Variants in ZNF536 observed in about 807,000 individuals in gnomAD.
ZNF536 encodes the protein zinc finger protein 536.
In ZNF536, 13 loss-of-function variants were observed where a neutral mutation model predicts 84.5. That is an observed-to-expected ratio of 0.15 (90% CI 0.10 to 0.24). ZNF536 has a LOEUF of 0.24. ZNF536 is among the 10% of genes least tolerant of loss of function. The pLI is 1.00. For synonymous variants in ZNF536, 811 were observed against 742.5 expected (o/e 1.09, Z -1.50); for missense variants, 1,536 against 1,747.5 (o/e 0.88, Z 2.16).
At chr19:30,531,979 C>G (rs779720137) in intron 2 of ZNF536, among the ~76,000 whole-genome samples, 14 of 152,062 alleles carry the variant, frequency 9.2e-5, no homozygotes, top group Non-Finnish European at 1.9e-4. Flanking sequence ...CTTAGTTCCC[C>G]CTTATAAGAG....
intron 1 of ZNF536, among the ~76,000 whole-genome samples, chr19:30,596,605 A>G (rs1191477363): frequency 1.3e-5 from 2 of 152,174 alleles, no homozygotes; most frequent in Non-Finnish European, 2.9e-5. Flanking sequence ...TTCAGCCCTG[A>G]TGAGTTTGAA....
intron 2 of ZNF536, among the ~76,000 whole-genome samples, chr19:30,475,535 C>T (rs980809411): frequency 1.3e-5 from 2 of 152,202 alleles, no homozygotes; most frequent in South Asian, 2.1e-4. Context: ...CCCCAATTGG[C>T]GGGCATTTAA....
At chr19:30,496,655 CATTCCGGAGGTAAAGCAGT>C (rs1225367199) in intron 2 of ZNF536, among the ~76,000 whole-genome samples, 1 of 152,104 alleles carries the variant, frequency 6.6e-6, no homozygotes, top group African/African-American at 2.4e-5. Context: ...AAGGAAATGA[CATTCCGGAGGTAAAGCAGT>C]AGTAGAGATG....
At chr19:30,588,857 A>G (rs1185889974) in intron 1 of ZNF536, among the ~76,000 whole-genome samples, 1 of 152,238 alleles carries the variant, frequency 6.6e-6, no homozygotes, top group African/African-American at 2.4e-5. Context: ...TAAAAAATAA[A>G]AAAGAATTAG....
In ZNF536 at chr19:30,323,364, C is replaced by T. The variant is rs555873811; in HGVS notation, c.-119-29004C>T. On this transcript the variant is annotated intron_variant, in intron 2 of 5. Coordinates refer to the ZNF536 transcript ENST00000585628. ...GCACTTAACACCAGTCCAGCGACAT[C>T]TCCTACCTCCCGTTTGCTCCTGGGT... Among the ~76,000 whole-genome samples the T allele has an allele frequency of 7.2e-5, 11 of 152,344 alleles. No individual in the cohort carries two copies. In the South Asian group the frequency reaches 1.5e-3, roughly 20 times the overall value.
At chr19:30,360,075 G>T (rs1027031267) in intron 3 of ZNF536, among the ~76,000 whole-genome samples, 29 of 152,188 alleles carry the variant, frequency 1.9e-4, no homozygotes, top group African/African-American at 7.0e-4. Flanking sequence ...GGTCAGAGAG[G>T]CAAGCAGGTG....
intron 1 of ZNF536, among the ~76,000 whole-genome samples, chr19:30,661,330 G>C (rs367783244): frequency 9.9e-5 from 15 of 152,226 alleles, no homozygotes; most frequent in East Asian, 7.7e-4. Context: ...ATTGAATAGT[G>C]GTCATGATAT....
chr19:30,257,897 T>C (rs12973018), intron 1 of ZNF536, among the ~76,000 whole-genome samples: 1 of 152,352 alleles, frequency 6.6e-6, no homozygotes, highest in African/African-American at 2.4e-5. Context: ...TAAGTGAAGG[T>C]ACTTTCTGGA....
chr19:30,560,302 A>G (rs866581100), downstream of ZNF536, among the ~76,000 whole-genome samples: 1 of 151,024 alleles, frequency 6.6e-6, no homozygotes, highest in Non-Finnish European at 1.5e-5. Context: ...CCATCCCCAC[A>G]TGGGAATATA....
intron 2 of ZNF536, among the ~76,000 whole-genome samples, chr19:30,512,760 C>G (rs946311323): frequency 6.6e-6 from 1 of 152,170 alleles, no homozygotes; most frequent in South Asian, 2.1e-4. Context: ...TAATGCAGTG[C>G]TGTTTAATGA....
intron 1 of ZNF536, among the ~76,000 whole-genome samples, chr19:30,578,851 A>G (rs889156321): frequency 8.5e-5 from 13 of 152,170 alleles, no homozygotes; most frequent in African/African-American, 3.1e-4. Flanking sequence ...AGAGTTATCC[A>G]GGTTCTGGGC....
intron 2 of ZNF536, among the ~76,000 whole-genome samples, chr19:30,487,465 G>A (rs1310238946): frequency 3.9e-5 from 6 of 151,990 alleles, no homozygotes; most frequent in Admixed American, 3.9e-4. Flanking sequence ...AGGGAGAAAT[G>A]CCAAAATAAT....
At chr19:30,664,245 TCTCTCTCTCTC>T (rs2050235153) in intron 1 of ZNF536, among the ~76,000 whole-genome samples, 1 of 139,186 alleles carries the variant, frequency 7.2e-6, no homozygotes, top group African/African-American at 2.6e-5. Flanking sequence ...TCTCTCTCTC[TCTCTCTCTCTC>T]TCTCTCCCTC....
At chr19:30,241,274 C>T (rs1391347685) in intron 1 of ZNF536, among the ~76,000 whole-genome samples, 3 of 152,196 alleles carry the variant, frequency 2.0e-5, no homozygotes, top group African/African-American at 7.2e-5. Context: ...GTGATTGTGC[C>T]ACTGCACTCC....
chr19:30,640,708 T>A (rs1233280657), intron 1 of ZNF536, among the ~76,000 whole-genome samples: 1 of 152,244 alleles, frequency 6.6e-6, no homozygotes, highest in East Asian at 1.9e-4. Context: ...ATATCCTATA[T>A]GAAGTGGTAG....
At chr19:30,577,086 A>G (rs929240726) in intron 1 of ZNF536, among the ~76,000 whole-genome samples, 1 of 152,244 alleles carries the variant, frequency 6.6e-6, no homozygotes, top group African/African-American at 2.4e-5. Flanking sequence ...AAGAAATGAA[A>G]GCAAAAGCCA....
At chr19:30,280,216 C>T (rs559924350) in intron 1 of ZNF536, among the ~76,000 whole-genome samples, 1 of 152,192 alleles carries the variant, frequency 6.6e-6, no homozygotes, top group African/African-American at 2.4e-5. Context: ...TTTCATCCTC[C>T]CTTCCACCTT....
chr19:30,284,178 T>A (rs1034394300), intron 2 of ZNF536: 3 of 152,276 alleles, frequency 2.0e-5, no homozygotes, highest in Non-Finnish European at 4.4e-5. Flanking sequence ...TGAACTGGTG[T>A]CTGTCTGAGT....
Position 30,528,924 on chromosome 19 carries a change from C to CAA in ZNF536, c.2171-5910_2171-5909dup, listed in dbSNP as rs75657998. On this transcript the variant is annotated intron_variant, in intron 2 of 4. Coordinates refer to ENST00000355537, the MANE Select transcript of ZNF536 (RefSeq NM_014717.3). ...GGGGTCAGCGGGGAGAATGAGAGGC[C>CAA]AAAAAAAAAAAAAAGCAGCGGGCAG... Among the ~76,000 whole-genome samples, 61 of 126,180 alleles carry CAA rather than the reference C, an allele frequency of 4.8e-4. No individual in the cohort carries two copies. In the East Asian group the frequency reaches 6.8e-3, roughly 14 times the overall value. 82.8% of individuals were successfully genotyped at this position (126,180 alleles called of 152,430 possible). A position where few individuals can be genotyped will look rare whatever the true frequency, so the allele number is the denominator to read the frequency against.
Sources: gnomAD v4.1 joint callset for allele counts (sites outside exome capture counted in the v4.1 genomes callset) on GRCh38, gnomAD v4.1.1 for gene constraint, MANE v1.5 for transcripts, NCBI Gene and HGNC (gene_info 2026-07-23, HGNC 2026-07-21) for gene names.